RRM2: variants seen among roughly 807,000 people sequenced by gnomAD.
RRM2 encodes the protein ribonucleoside-diphosphate reductase subunit M2.
Under a neutral mutation model 45.9 loss-of-function variants are expected in RRM2, and 6 were observed. The observed-to-expected ratio is 0.13, with a 90% CI of 0.07 to 0.26. The LOEUF (loss-of-function observed/expected upper bound fraction) is 0.26, where lower values mean the gene tolerates loss of function less well. RRM2 is among the 10% of genes least tolerant of loss of function. The pLI, the probability that RRM2 is intolerant of heterozygous loss-of-function variation, is 1.00. For missense variants in RRM2, 343 were observed against 489.5 expected (o/e 0.70, Z 2.82); for synonymous variants, 177 against 173.0 (o/e 1.02, Z -0.18).
At chr2:10,136,239 G>A (rs556505978), downstream of RRM2, among the ~76,000 whole-genome samples, 5 of 152,372 alleles carry the variant, frequency 3.3e-5, no homozygotes, top group South Asian at 1.0e-3. Context: ...ATAAAGGGCA[G>A]AGGGGTTGAG....
intron 3 of RRM2, among the ~76,000 whole-genome samples, chr2:10,159,758 C>G (rs1181324370): frequency 5.5e-4 from 84 of 152,206 alleles, no homozygotes; most frequent in Non-Finnish European, 8.8e-5. Flanking sequence ...ACACTCAGAT[C>G]TTTGTTTCCC....
chr2:10,183,314 T>C (rs1228484733), intron 3 of RRM2, among the ~76,000 whole-genome samples: 1 of 152,236 alleles, frequency 6.6e-6, no homozygotes, highest in African/African-American at 2.4e-5. Context: ...GGGGCTGATG[T>C]GCCATCTGAC....
At chr2:10,141,577 C>T (rs1441089759) in exon 1 of RRM2, 1 of 451,778 alleles carries the variant, frequency 2.2e-6, no homozygotes, top group East Asian at 4.2e-5. Flanking sequence ...ATGGAGGAGG[C>T]CTGGTGTCTG....
intron 2 of RRM2, chr2:10,142,119 G>T: frequency 1.3e-6 from 2 of 1,568,116 alleles, no homozygotes; most frequent in African/African-American, 1.3e-5. Context: ...GTGGGCAAGC[G>T]CAAAGGCCCT....
Position 10,129,320 on chromosome 2 carries a change from G to A in RRM2, c.1104G>A (p.Glu368=). The A allele has an allele frequency of 6.2e-7, 1 of 1,614,160 alleles. No individual in the cohort carries two copies. The highest frequency in any genetic ancestry group is 1.1e-5 in the South Asian group (1 of 91,068). The change falls in exon 10 of 10, where the codon GAG becomes GAA. Residue 368 remains glutamate (E), a synonymous_variant. Coordinates refer to ENST00000304567, the MANE Select transcript of RRM2 (RefSeq NM_001034.4). The surrounding 1 kb of genome is among the most constrained non-coding windows in gnomAD (Gnocchi z 4.8). ...ACTTCTTTGAGAAGAGAGTAGGCGAGTATCAGAGGATGGGAGTGATGTCAA... is the reference window on the plus strand; with the variant it reads ...ACTTCTTTGAGAAGAGAGTAGGCGAATATCAGAGGATGGGAGTGATGTCAA... ...KTNFFEKRVG[E]YQRMGVMSSP...
chr2:10,194,457 G>GGT (rs138402140), intron 3 of RRM2, among the ~76,000 whole-genome samples: 3 of 152,196 alleles, frequency 2.0e-5, no homozygotes, highest in South Asian at 2.1e-4. Flanking sequence ...AATGGGATGG[G>GGT]GTGTGTGTGT....
At position 10,123,868 on chromosome 2, in the gene RRM2, ATCTT is replaced by A. The variant is rs758707829; in HGVS notation, c.435+19_435+22del. 2.9e-6 allele frequency: 4 copies of A among 1,367,738 alleles called. No individual in the cohort carries two copies. The East Asian group carries it at 9.2e-5, about 31-fold the overall frequency. The allele number at this position is 1,367,738 out of a possible 1,614,324, so 84.7% of individuals were successfully genotyped here. ...TGAAAACTTGGTGAGTTTCCAAAACATCTTTCATTCATTTGACGTTGACGATCTG... is the reference window on the plus strand; with the variant it reads ...TGAAAACTTGGTGAGTTTCCAAAACATCATTCATTTGACGTTGACGATCTG... On this transcript the variant is annotated intron_variant, in intron 4 of 9. Transcript: ENST00000304567.
intron 3 of RRM2, among the ~76,000 whole-genome samples, chr2:10,166,458 C>G (rs1186353833): frequency 9.2e-5 from 14 of 152,254 alleles, no homozygotes; most frequent in Non-Finnish European, 2.1e-4. Context: ...AGCCTGGTCT[C>G]TCAGGGTGAG....
At chr2:10,201,252 A>G (rs1256888245) in intron 3 of RRM2, among the ~76,000 whole-genome samples, 1 of 152,190 alleles carries the variant, frequency 6.6e-6, no homozygotes, top group African/African-American at 2.4e-5. Flanking sequence ...GGTAGTTTCC[A>G]GACTCGGGAG....
At chr2:10,142,520 C>A in intron 3 of RRM2, 1 of 796,076 alleles carries the variant, frequency 1.3e-6, no homozygotes, top group Non-Finnish European at 1.8e-6. Flanking sequence ...TACTGCCAGC[C>A]TCTGCCGTTC....
At chr2:10,193,364 C>T (rs1664349573) in intron 3 of RRM2, among the ~76,000 whole-genome samples, 1 of 152,250 alleles carries the variant, frequency 6.6e-6, no homozygotes, top group Non-Finnish European at 1.5e-5. Flanking sequence ...TCCTCTCCTC[C>T]AGCCCCTCCT....
chr2:10,142,739 C>A (rs563204073), intron 3 of RRM2, among the ~76,000 whole-genome samples: 1 of 152,318 alleles, frequency 6.6e-6, no homozygotes, highest in African/African-American at 2.4e-5. Context: ...TCTCGGGCAG[C>A]ACCTCAGACG....
At chr2:10,123,140 C>G (rs995900318) in intron 2 of RRM2, 83 bp downstream of exon 2, 4 of 1,433,948 alleles carry the variant, frequency 2.8e-6, no homozygotes, top group African/African-American at 2.8e-5. Flanking sequence ...CTCAGCTGTT[C>G]ACACTCCCGC....
chr2:10,132,869 G>A (rs1662926404), downstream of RRM2, among the ~76,000 whole-genome samples: 1 of 152,194 alleles, frequency 6.6e-6, no homozygotes, highest in South Asian at 2.1e-4. Context: ...GCTCCCCCCG[G>A]CCCCATGCCA....
chr2:10,167,448 T>G (rs1242479824), intron 3 of RRM2, among the ~76,000 whole-genome samples: 1 of 152,070 alleles, frequency 6.6e-6, no homozygotes, highest in African/African-American at 2.4e-5. Context: ...AGTGGGGTGG[T>G]GGGTGTGTGT....
chr2:10,139,185 C>T (rs541786696), upstream of RRM2, among the ~76,000 whole-genome samples: 6 of 152,232 alleles, frequency 3.9e-5, no homozygotes, highest in East Asian at 9.7e-4. Flanking sequence ...AACATCTTGC[C>T]CACCCCAAAA....
At position 10,171,823 on chromosome 2, in the gene RRM2, G is replaced by A. The variant is rs996298379; in HGVS notation, n.482+29448G>A. Among the ~76,000 whole-genome samples the A allele has an allele frequency of 4.6e-5, 7 of 152,212 alleles. No individual in the cohort carries two copies. Among genetic ancestry groups the A allele is most frequent in the Non-Finnish European group, 7.3e-5 (5 of 68,034 alleles). ...TTAAAAAATATTGAGTGTCAGTTAT[G>A]TGTCAGGCACTGTTCTGGACACGAG... On this transcript the variant is annotated intron_variant and non_coding_transcript_variant, in intron 3 of 3. Coordinates refer to the RRM2 transcript ENST00000381786. The surrounding 1 kb of genome is among the most constrained non-coding windows in gnomAD (Gnocchi z 4.1).
chr2:10,142,373 C>G (rs1663102522), exon 3 of RRM2: 1 of 1,371,452 alleles, frequency 7.3e-7, no homozygotes, highest in Non-Finnish European at 9.8e-7. Context: ...TTGCAGCTTT[C>G]AGGTGAGAAA....
At chr2:10,124,164 G>GGC in intron 4 of RRM2, 1 of 300,590 alleles carries the variant, frequency 3.3e-6, no homozygotes, top group Non-Finnish European at 6.3e-6. Flanking sequence ...GGAGTGCAGT[G>GGC]GTGTGATCTT....
Sources: allele counts gnomAD v4.1 joint callset (sites outside exome capture counted in the v4.1 genomes callset), GRCh38; gene constraint gnomAD v4.1.1; non-coding constraint Gnocchi (gnomAD v3.1); transcripts MANE v1.5; gene names NCBI Gene and HGNC (gene_info 2026-07-23, HGNC 2026-07-21).